Variants in UNKL observed in about 807,000 individuals in gnomAD.
UNKL encodes the protein unk like zinc finger.
A neutral mutation model predicts 78.0 loss-of-function variants in UNKL; 60 were observed. The observed-to-expected ratio is 0.77, with a 90% CI of 0.63 to 0.95. UNKL has a LOEUF of 0.95. Among genes scored for constraint, UNKL ranks in the 40% least tolerant of loss-of-function variants. The probability of loss-of-function intolerance (pLI) is 0.00; values close to 1 mark genes in which losing one functional copy is unlikely to be tolerated. For synonymous variants in UNKL, 608 were observed against 474.8 expected, an observed-to-expected ratio of 1.28 and a Z score of -3.65; for missense variants, 1,159 against 1,045.7, an observed-to-expected ratio of 1.11 and a Z score of -1.49.
intron 10 of UNKL, among the ~76,000 whole-genome samples, chr16:1,383,342 C>T (rs1479465105): frequency 6.6e-6 from 1 of 151,998 alleles, no homozygotes; most frequent in African/African-American, 2.4e-5. Context: ...ATGTAAAGGC[C>T]TGGGCTCAAC....
At position 1,401,708 on chromosome 16, in the gene UNKL, G is replaced by A; in HGVS notation, c.465-7C>T. On this transcript the variant is annotated splice_region_variant and splice_polypyrimidine_tract_variant and intron_variant, in intron 3 of 14. Coordinates refer to ENST00000389221, the MANE Select transcript of UNKL (RefSeq NM_001372107.1). ...TTCCTGGGCCTGCAGCTCCCTGCAA[G>A]CCGAGGACACAGTGGTCACAGCTCT... 1 of 1,606,234 alleles carries A rather than the reference G, an allele frequency of 6.2e-7. No individual in the cohort carries two copies. Among genetic ancestry groups the A allele is most frequent in the Non-Finnish European group, 8.5e-7 (1 of 1,177,484 alleles).
chr16:1,407,905 C>A (rs1397601782), intron 2 of UNKL, among the ~76,000 whole-genome samples: 7 of 151,920 alleles, frequency 4.6e-5, no homozygotes, highest in Non-Finnish European at 8.8e-5. Flanking sequence ...TTTTTTTTCC[C>A]AATGAAAATG....
chr16:1,384,906 G>A (rs2036749687), intron 10 of UNKL, among the ~76,000 whole-genome samples: 1 of 151,638 alleles, frequency 6.6e-6, no homozygotes, highest in Non-Finnish European at 1.5e-5. Context: ...CCCATCATCT[G>A]TCAACAACCT....
chr16:1,376,470 A>C (rs1310369566), intron 10 of UNKL, among the ~76,000 whole-genome samples: 1 of 149,288 alleles, frequency 6.7e-6, no homozygotes, highest in Non-Finnish European at 1.5e-5. Context: ...TCCTCCCTCC[A>C]GGGCTGGGGT....
chr16:1,376,221 G>A (rs1298028292), intron 10 of UNKL, among the ~76,000 whole-genome samples: 1 of 127,464 alleles, frequency 7.8e-6, no homozygotes, highest in Non-Finnish European at 1.6e-5. Context: ...GCTGGGGCAT[G>A]CTCCTCCCTC....
chr16:1,380,141 G>A (rs962191873), intron 10 of UNKL, among the ~76,000 whole-genome samples: 1 of 152,250 alleles, frequency 6.6e-6, no homozygotes, highest in African/African-American at 2.4e-5. Context: ...CCTATGAAGT[G>A]TAAGATGAAG....
rs567668351 is a variant in UNKL, at chr16:1,367,724, T to G, written c.1720A>C (p.Arg574=). The G allele has an allele frequency of 1.2e-4, 195 of 1,580,234 alleles. 2 individuals are homozygous for G. In the South Asian group the frequency reaches 1.9e-3, roughly 16 times the overall value. Residue 574 remains arginine, a synonymous_variant, in exon 13 of 15, where the codon AGG becomes CGG. Coordinates refer to ENST00000389221, the MANE Select transcript of UNKL (RefSeq NM_001372107.1). The part of the protein sequence containing the change: ...SPNGAELARV[R]RQLDEAKRKI... ...CTCTTGGCCTCGTCCAGCTGCCGCC[T>G]GACCCGGGCCAGCTCAGCTCCGTTT...
chr16:1,385,893 C>T (rs1596709705), intron 9 of UNKL, among the ~76,000 whole-genome samples: 1 of 152,250 alleles, frequency 6.6e-6, no homozygotes, highest in Admixed American at 6.5e-5. Flanking sequence ...ACATCCATAG[C>T]GTGGTCCTGT....
chr16:1,383,634 C>G (rs1219496009), intron 10 of UNKL: 1 of 414,452 alleles, frequency 2.4e-6, no homozygotes, highest in Non-Finnish European at 5.0e-6. Flanking sequence ...CTAGGAGTTG[C>G]TGGGGGCTTG....
At chr16:1,402,015 G>A (rs2142209960) in intron 3 of UNKL, among the ~76,000 whole-genome samples, 1 of 152,310 alleles carries the variant, frequency 6.6e-6, no homozygotes, top group South Asian at 2.1e-4. Context: ...CTCCCACCTT[G>A]GCCTCCCAGA....
In UNKL at chr16:1,414,659, C is replaced by G; in HGVS notation, c.33G>C (p.Ala11=). ...CAGTCTGCGGGGGGGACCCGCTCAGCGCCGCTGCCGCCGCTTTCGAAACCG... is the reference window on the plus strand; with the variant it reads ...CAGTCTGCGGGGGGGACCCGCTCAGGGCCGCTGCCGCCGCTTTCGAAACCG... The part of the protein sequence containing the change: MPSVSKAAAA[A]LSGSPPQTEK... Residue 11 remains alanine (A), a synonymous_variant, in exon 1 of 15, where the codon GCG becomes GCC. Transcript: ENST00000389221. 3.5e-6 allele frequency: 4 copies of G among 1,146,416 alleles called. No individual in the cohort carries two copies. Among genetic ancestry groups the G allele is most frequent in the Non-Finnish European group, 4.3e-6 (4 of 921,580 alleles). 71.0% of individuals were successfully genotyped at this position (1,146,416 alleles called of 1,614,324 possible). A position where few individuals can be genotyped will look rare whatever the true frequency, so the allele number is the denominator to read the frequency against.
intron 10 of UNKL, among the ~76,000 whole-genome samples, chr16:1,377,155 T>TGGA (rs927076957): frequency 1.4e-4 from 22 of 152,174 alleles, no homozygotes; most frequent in Admixed American, 1.3e-4. Flanking sequence ...CCTGAGCAGC[T>TGGA]GGGACTACAG....
rs755630856 is a variant in UNKL at position 1,366,214 on chromosome 16, G to A, written c.*26C>T. 4 of 1,492,992 alleles carry A rather than the reference G, an allele frequency of 2.7e-6. No homozygotes were observed. The Admixed American group carries it at 6.5e-5, about 24-fold the overall frequency. 92.5% of individuals were successfully genotyped at this position (1,492,992 alleles called of 1,614,324 possible). ...AGGAGCGCTGGAGCCAGGGTGCCCA[G>A]CAGGAGGTGGCTGTCCCCGCTGAGG... On this transcript the variant is annotated 3_prime_UTR_variant, in exon 15 of 15. Transcript: ENST00000389221.
In UNKL at chr16:1,403,080, G is replaced by C; in HGVS notation, c.464+88C>G. 7.0e-7 allele frequency: 1 copy of C among 1,428,652 alleles called. No individual in the cohort carries two copies. Among genetic ancestry groups the C allele is most frequent in the African/African-American group, 1.4e-5 (1 of 70,318 alleles). The allele number at this position is 1,428,652 out of a possible 1,614,324, so 88.5% of individuals were successfully genotyped here. A position where few individuals can be genotyped will look rare whatever the true frequency, so the allele number is the denominator to read the frequency against. On this transcript the variant is annotated intron_variant, in intron 3 of 14. Transcript: ENST00000389221. The surrounding 1 kb of genome is among the most constrained non-coding windows in gnomAD (Gnocchi z 4.8). ...GGCCAGCAGAGCCTGCAGCAGCAGG[G>C]AGGCGAGCCACTTGCCGAGTTCCTG... is the stretch of plus-strand genomic sequence containing the variant.
In UNKL at chr16:1,379,585, G is replaced by C. The variant is rs1472582166; in HGVS notation, c.1264+5623C>G. ...CCCGCTCCTGACCGCCGAGTAACGA[G>C]ACCCGCACCTTGGCGGCGCACGGCT... On this transcript the variant is annotated intron_variant, in intron 10 of 14. Transcript: ENST00000389221. The C allele has an allele frequency of 5.1e-6, 5 of 985,178 alleles. No homozygotes were observed. In the African/African-American group the frequency reaches 7.0e-5, roughly 14 times the overall value. 61.0% of individuals were successfully genotyped at this position (985,178 alleles called of 1,614,324 possible).
intron 2 of UNKL, among the ~76,000 whole-genome samples, chr16:1,405,632 A>C (rs1235488022): frequency 1.3e-5 from 2 of 151,902 alleles, no homozygotes; most frequent in Non-Finnish European, 2.9e-5. Flanking sequence ...TCTTACGGAC[A>C]CCTAGGAGGT....
rs2036848571 is a variant in UNKL at position 1,387,119 on chromosome 16, C to T, written c.1087-1734G>A. Reference sequence around the variant, plus strand: ...GGGGACCCTCCCAGCAATGCAGCACCGGGGACCCTCCCAGCCATGCAGCAC... The same window carrying T: ...GGGGACCCTCCCAGCAATGCAGCACTGGGGACCCTCCCAGCCATGCAGCAC... On this transcript the variant is annotated intron_variant, in intron 9 of 14. Transcript: ENST00000389221. This position sits in a 1 kb window ranked among gnomAD's most constrained non-coding sequence, Gnocchi z 4.1. 2.0e-5 allele frequency among the ~76,000 whole-genome samples: 3 copies of T among 151,980 alleles called. No individual in the cohort carries two copies. The highest frequency in any genetic ancestry group is 1.9e-4 in the East Asian group (1 of 5,164).
At chr16:1,370,402 C>T in intron 11 of UNKL, 45 bp from the exon 12 acceptor site, 6 of 1,524,846 alleles carry the variant, frequency 3.9e-6, no homozygotes, top group Middle Eastern at 2.3e-4. Context: ...CGCCAGGCCT[C>T]TGCCCAAACA....
Position 1,401,596 on chromosome 16 carries a change from C to CGAGA in UNKL, c.569_570insTCTC (p.Lys190AsnfsTer44). ...GCCACCGGGGGTCCTCGCTCAGGAT[C>CGAGA]TTCTCAATCATGGCCTGGCTGGCCA... On this transcript the variant is annotated frameshift_variant, in exon 4 of 15. Coordinates refer to ENST00000389221, the MANE Select transcript of UNKL (RefSeq NM_001372107.1). LOFTEE classifies it high-confidence loss of function. The CGAGA allele has an allele frequency of 3.1e-6, 5 of 1,602,984 alleles. No individual in the cohort carries two copies. The highest frequency in any genetic ancestry group is 4.3e-6 in the Non-Finnish European group (5 of 1,174,498).
Sources: allele counts gnomAD v4.1 joint callset (sites outside exome capture counted in the v4.1 genomes callset), GRCh38; gene constraint gnomAD v4.1.1; non-coding constraint Gnocchi (gnomAD v3.1); transcripts MANE v1.5; gene names NCBI Gene and HGNC (gene_info 2026-07-23, HGNC 2026-07-21).